ADAMTS19: variants seen among roughly 807,000 people sequenced by gnomAD.
The protein encoded by ADAMTS19 is ADAM metallopeptidase with thrombospondin type 1 motif 19.
A neutral mutation model predicts 153.3 loss-of-function variants in ADAMTS19; 93 were observed. That is an observed-to-expected ratio of 0.61 (90% confidence interval 0.51 to 0.72). The LOEUF is 0.72. Among genes scored for constraint, ADAMTS19 ranks in the 30% least tolerant of loss-of-function variants. ADAMTS19 has a pLI of 0.00. For missense variants in ADAMTS19, 1,482 were observed against 1,552.1 expected, an observed-to-expected ratio of 0.95 and a Z score of 0.76; for synonymous variants, 600 against 556.6, an observed-to-expected ratio of 1.08 and a Z score of -1.10.
rs911407450 is a variant in ADAMTS19 at position 129,735,177 on chromosome 5, A to G, written c.3490+68A>G. The G allele has an allele frequency of 2.2e-6, 3 of 1,390,874 alleles. No homozygotes were observed. The African/African-American group carries it at 4.4e-5, about 21-fold the overall frequency. 86.2% of individuals were successfully genotyped at this position (1,390,874 alleles called of 1,614,324 possible). On this transcript the variant is annotated intron_variant, in intron 22 of 22. Coordinates refer to ENST00000274487, the MANE Select transcript of ADAMTS19 (RefSeq NM_133638.6). ...ATGCTTATGGCTTCTTGTATTTTGT[A>G]TATTACTTTAAACCTTGATAGTTGT...
At chr5:129,543,930 A>T (rs1752754522) in intron 6 of ADAMTS19, among the ~76,000 whole-genome samples, 4 of 152,076 alleles carry the variant, frequency 2.6e-5, no homozygotes, top group Admixed American at 2.6e-4. Flanking sequence ...TAAATGAATT[A>T]AGTTTACATT....
intron 8 of ADAMTS19, among the ~76,000 whole-genome samples, chr5:129,599,434 TACAA>T (rs1170484310): frequency 1.2e-4 from 18 of 152,314 alleles, no homozygotes; most frequent in South Asian, 6.2e-4. Context: ...CACCTTGATG[TACAA>T]ACAGTGTATA....
chr5:129,540,072 A>C (rs1752604784), intron 6 of ADAMTS19, among the ~76,000 whole-genome samples: 1 of 152,156 alleles, frequency 6.6e-6, no homozygotes, highest in Non-Finnish European at 1.5e-5. Context: ...TGAAAAATAG[A>C]ATAACATTGG....
At chr5:129,567,042 G>A (rs1421827) in intron 7 of ADAMTS19, among the ~76,000 whole-genome samples, 9,267 of 152,106 alleles carry the variant, frequency 0.061, 415 homozygotes, top group Non-Finnish European at 0.088. Flanking sequence ...TTAGGAAAGT[G>A]ACCTCAAAGC....
At chr5:129,505,089 A>T (rs1048958953) in intron 2 of ADAMTS19, among the ~76,000 whole-genome samples, 1 of 152,162 alleles carries the variant, frequency 6.6e-6, no homozygotes, top group Non-Finnish European at 1.5e-5. Flanking sequence ...GGATTTTATC[A>T]CGACTGTTAC....
chr5:129,700,768 C>A (rs1266515616), intron 19 of ADAMTS19, among the ~76,000 whole-genome samples: 2 of 151,220 alleles, frequency 1.3e-5, no homozygotes, highest in Non-Finnish European at 2.9e-5. Flanking sequence ...CAGTGAAAGG[C>A]AGTTTATAAT....
chr5:129,591,127 C>A (rs989672829), intron 7 of ADAMTS19, among the ~76,000 whole-genome samples: 1 of 152,184 alleles, frequency 6.6e-6, no homozygotes, highest in Admixed American at 6.5e-5. Flanking sequence ...CTTTCCCTGG[C>A]TAACCCCTGC....
At chr5:129,498,647 G>T (rs1022375325) in intron 2 of ADAMTS19, among the ~76,000 whole-genome samples, 2 of 151,840 alleles carry the variant, frequency 1.3e-5, no homozygotes, top group African/African-American at 2.4e-5. Flanking sequence ...TTACAGCCTT[G>T]GTTTATGGCA....
At chr5:129,516,883 T>G (rs1751630608) in intron 3 of ADAMTS19, among the ~76,000 whole-genome samples, 1 of 150,320 alleles carries the variant, frequency 6.7e-6, no homozygotes, top group Admixed American at 6.6e-5. Context: ...TTTTTGAGAT[T>G]TTTCCTTTTT....
At chr5:129,570,151 G>A (rs1753846192) in intron 7 of ADAMTS19, among the ~76,000 whole-genome samples, 1 of 151,692 alleles carries the variant, frequency 6.6e-6, no homozygotes, top group Admixed American at 6.6e-5. Flanking sequence ...ATTTTTTTGT[G>A]GAATTGTGAG....
intron 6 of ADAMTS19, among the ~76,000 whole-genome samples, chr5:129,544,806 G>A (rs1240563525): frequency 6.6e-6 from 1 of 152,110 alleles, no homozygotes; most frequent in East Asian, 1.9e-4. Context: ...AGTATGAACT[G>A]GTAAAAGTTC....
chr5:129,542,812 G>T (rs1752701939), intron 6 of ADAMTS19, among the ~76,000 whole-genome samples: 1 of 151,874 alleles, frequency 6.6e-6, no homozygotes, highest in Admixed American at 6.6e-5. Context: ...AAATTTATTT[G>T]CTTTCTTTCC....
rs201666318 is a variant in ADAMTS19 at position 129,665,979 on chromosome 5, G to GTATA, written c.2506+411_2506+414dup. Among the ~76,000 whole-genome samples the GTATA allele has an allele frequency of 8.6e-3, 1,234 of 144,260 alleles. 20 individuals are homozygous for GTATA. Among genetic ancestry groups the GTATA allele is most frequent in the African/African-American group, 0.027 (1,005 of 37,242 alleles). The allele number at this position is 144,260 out of a possible 152,430, so 94.6% of individuals were successfully genotyped here. ...TAATTGCATTTATAAATGAATTTAT[G>GTATA]TATATATATATATAAAATGATCGTT... On this transcript the variant is annotated intron_variant, in intron 16 of 22. Transcript: ENST00000274487.
At chr5:129,562,322 G>A (rs1223995896) in intron 7 of ADAMTS19, among the ~76,000 whole-genome samples, 2 of 152,160 alleles carry the variant, frequency 1.3e-5, no homozygotes, top group African/African-American at 4.8e-5. Flanking sequence ...AAATGTTACT[G>A]CTACATCTGG....
intron 6 of ADAMTS19, among the ~76,000 whole-genome samples, chr5:129,537,184 A>C (rs1752469056): frequency 1.3e-5 from 2 of 152,338 alleles, no homozygotes; most frequent in Non-Finnish European, 2.9e-5. Flanking sequence ...AATGCTCATC[A>C]TCGCTGGCCA....
chr5:129,553,204 A>C (rs1056093812), intron 7 of ADAMTS19, among the ~76,000 whole-genome samples: 1 of 152,082 alleles, frequency 6.6e-6, no homozygotes, highest in Admixed American at 6.6e-5. Context: ...GGGACAGCTC[A>C]ACATCTTGCC....
At chr5:129,564,329 A>C (rs532917417) in intron 7 of ADAMTS19, among the ~76,000 whole-genome samples, 5 of 152,296 alleles carry the variant, frequency 3.3e-5, no homozygotes, top group Admixed American at 6.5e-5. Context: ...CTGTTACTTT[A>C]AGCTGTTACA....
intron 2 of ADAMTS19, chr5:129,500,645 T>A (rs1751069025): frequency 6.6e-6 from 1 of 152,132 alleles, no homozygotes; most frequent in African/African-American, 2.4e-5. Flanking sequence ...GTAATCAACA[T>A]AAAGCTTAGC....
chr5:129,503,986 A>G (rs1751188677), intron 2 of ADAMTS19, among the ~76,000 whole-genome samples: 1 of 152,170 alleles, frequency 6.6e-6, no homozygotes, highest in African/African-American at 2.4e-5. Flanking sequence ...GTGTCTCGCT[A>G]ATTCTCGGAT....
Sources: gnomAD v4.1 joint callset for allele counts (sites outside exome capture counted in the v4.1 genomes callset) on GRCh38, gnomAD v4.1.1 for gene constraint, MANE v1.5 for transcripts, NCBI Gene and HGNC (gene_info 2026-07-23, HGNC 2026-07-21) for gene names.